Variants in EDA observed in about 807,000 individuals in gnomAD.
The protein encoded by EDA is ectodysplasin A.
EDA carries 2 observed loss-of-function variants against 23.6 expected under a neutral mutation model. The observed-to-expected ratio is 0.08, with a 90% CI of 0.03 to 0.27. The LOEUF (loss-of-function observed/expected upper bound fraction) is 0.27, where lower values mean the gene tolerates loss of function less well. EDA is among the 10% of genes least tolerant of loss of function. The pLI is 1.00. For synonymous variants in EDA, 131 were observed against 132.0 expected (o/e 0.99, Z 0.05); for missense variants, 229 against 324.2 (o/e 0.71, Z 2.26).
At chrX:69,839,523 TC>T (rs2016851449) in intron 1 of EDA, among the ~76,000 whole-genome samples, 1 of 112,596 alleles carries the variant, frequency 8.9e-6, no homozygotes, top group African/African-American at 3.2e-5. Flanking sequence ...CACTTACTCC[TC>T]TGCCTTGTCA....
intron 1 of EDA, among the ~76,000 whole-genome samples, chrX:69,911,046 T>A (rs1278021077): frequency 8.9e-6 from 1 of 112,230 alleles, no homozygotes; most frequent in African/African-American, 3.2e-5. Flanking sequence ...CTGGGTACTA[T>A]AAAAGATTGT....
At chrX:69,678,874 G>C (rs778989112) in intron 1 of EDA, among the ~76,000 whole-genome samples, 74 of 88,316 alleles carry the variant, frequency 8.4e-4, no homozygotes, top group African/African-American at 3.2e-3. Context: ...AATAGGAGTG[G>C]TGAGAGGGCA....
intron 1 of EDA, among the ~76,000 whole-genome samples, chrX:69,825,527 G>A (rs1156367138): frequency 8.9e-6 from 1 of 111,818 alleles, no homozygotes; most frequent in African/African-American, 3.3e-5. Flanking sequence ...TTGTATTTCT[G>A]TGGGATCTGT....
chrX:69,734,723 C>T (rs186524550), intron 1 of EDA, among the ~76,000 whole-genome samples: 14 of 111,669 alleles, frequency 1.3e-4, no homozygotes, highest in Non-Finnish European at 2.3e-4. Context: ...AATTTCCAAG[C>T]ATTTGGAAAT....
intron 1 of EDA, among the ~76,000 whole-genome samples, chrX:69,829,730 T>TA (rs2016559726): frequency 8.9e-6 from 1 of 112,053 alleles, no homozygotes; most frequent in Admixed American, 9.5e-5. Context: ...TCCCAGGGTC[T>TA]AGTGAAGATG....
chrX:69,661,779 G>T (rs1337277370), intron 1 of EDA, among the ~76,000 whole-genome samples: 1 of 111,464 alleles, frequency 9.0e-6, no homozygotes. Context: ...GTCAGGTAGT[G>T]TGATGCCTCC....
At chrX:69,755,201 C>T (rs1205650075) in intron 1 of EDA, among the ~76,000 whole-genome samples, 1 of 111,406 alleles carries the variant, frequency 9.0e-6, no homozygotes, top group Non-Finnish European at 1.9e-5. Context: ...TTTTATCTAC[C>T]TTTGGTCTTT....
intron 1 of EDA, among the ~76,000 whole-genome samples, chrX:69,669,736 G>A (rs1933817117): frequency 1.8e-5 from 2 of 110,510 alleles, no homozygotes; most frequent in Admixed American, 1.9e-4. Context: ...AATATTGCAT[G>A]ATGCTGAGGT....
At chrX:69,791,920 G>C (rs936343703) in intron 1 of EDA, among the ~76,000 whole-genome samples, 2 of 112,202 alleles carry the variant, frequency 1.8e-5, no homozygotes, top group African/African-American at 6.5e-5. Context: ...GGGATTCCAG[G>C]CGTGAGCCAC....
chrX:69,850,853 A>G (rs1411585443), intron 1 of EDA, among the ~76,000 whole-genome samples: 2 of 111,798 alleles, frequency 1.8e-5, no homozygotes, highest in Non-Finnish European at 3.8e-5. Context: ...ATGCTTTTGC[A>G]CATACTACAT....
In EDA at chrX:69,937,698, A is replaced by C. The variant is rs1012755630; in HGVS notation, c.397-19329A>C. On this transcript the variant is annotated intron_variant, in intron 1 of 7. Transcript: ENST00000374552. ...TAGCTCTATAGAGTTCTGGGCATACATGTCCTCTGTCAAATTAAATTTAAA... is the reference window on the plus strand; with the variant it reads ...TAGCTCTATAGAGTTCTGGGCATACCTGTCCTCTGTCAAATTAAATTTAAA... 7.0e-6 allele frequency: 8 copies of C among 1,145,375 alleles called. No homozygotes were observed. The African/African-American group carries it at 1.4e-4, about 21-fold the overall frequency. 94.4% of individuals were successfully genotyped at this position (1,145,375 alleles called of 1,213,427 possible).
At chrX:69,622,110 A>G (rs144868776) in intron 1 of EDA, among the ~76,000 whole-genome samples, 3 of 111,007 alleles carry the variant, frequency 2.7e-5, no homozygotes, top group East Asian at 2.8e-4. Flanking sequence ...ACCACAGTCT[A>G]TTTACTCTAT....
At chrX:69,999,555 G>T (rs1345969880) in intron 2 of EDA, among the ~76,000 whole-genome samples, 1 of 106,135 alleles carries the variant, frequency 9.4e-6, no homozygotes, top group Non-Finnish European at 1.9e-5. Flanking sequence ...GGCAGAGGTT[G>T]CAGTGAGCTG....
At chrX:69,727,173 G>A (rs1468327813) in intron 1 of EDA, among the ~76,000 whole-genome samples, 2 of 111,578 alleles carry the variant, frequency 1.8e-5, no homozygotes, top group South Asian at 3.8e-4. Flanking sequence ...AACTCCTCTC[G>A]ACGACTTTCA....
chrX:69,647,680 C>T (rs1018873441), intron 1 of EDA, among the ~76,000 whole-genome samples: 16 of 111,682 alleles, frequency 1.4e-4, no homozygotes, highest in African/African-American at 4.2e-4. Context: ...CTTCTGAAGC[C>T]CACTTCCATC....
chrX:69,678,137 T>C (rs1335013536), intron 1 of EDA, among the ~76,000 whole-genome samples: 14 of 111,219 alleles, frequency 1.3e-4, no homozygotes, highest in Non-Finnish European at 1.5e-4. Context: ...GTTGTAGATA[T>C]GCGACGTTAT....
chrX:69,789,040 G>A (rs1381156230), intron 1 of EDA, among the ~76,000 whole-genome samples: 1 of 112,242 alleles, frequency 8.9e-6, no homozygotes, highest in Non-Finnish European at 1.9e-5. Context: ...ATTCGGGTGG[G>A]AGTGACCTGA....
At chrX:69,888,803 A>G (rs1487028476) in intron 1 of EDA, among the ~76,000 whole-genome samples, 3 of 104,119 alleles carry the variant, frequency 2.9e-5, no homozygotes, top group Non-Finnish European at 5.9e-5. Context: ...TATACATACT[A>G]CATTTTGTTT....
chrX:69,746,390 G>A (rs1002875548), intron 1 of EDA, among the ~76,000 whole-genome samples: 1 of 111,629 alleles, frequency 9.0e-6, no homozygotes. Flanking sequence ...CTGAAGTCTA[G>A]GCACACCTCC....
Sources: allele counts gnomAD v4.1 joint callset (sites outside exome capture counted in the v4.1 genomes callset), GRCh38; gene constraint gnomAD v4.1.1; transcripts MANE v1.5; gene names NCBI Gene and HGNC (gene_info 2026-07-23, HGNC 2026-07-21).